RPS6KA5: variants seen among roughly 807,000 people sequenced by gnomAD.
RPS6KA5 encodes the protein ribosomal protein S6 kinase alpha-5.
RPS6KA5 carries 27 observed loss-of-function variants against 85.5 expected under a neutral mutation model. The ratio of observed to expected loss-of-function variants is 0.32; its 90% CI spans 0.23 to 0.44. The LOEUF (loss-of-function observed/expected upper bound fraction) is 0.44, where lower values mean the gene tolerates loss of function less well. Among genes scored for constraint, RPS6KA5 ranks in the 20% least tolerant of loss-of-function variants. The pLI is 1.00. For missense variants in RPS6KA5, 811 were observed against 980.9 expected, an observed-to-expected ratio of 0.83 and a Z score of 2.31; for synonymous variants, 334 against 348.2, an observed-to-expected ratio of 0.96 and a Z score of 0.46.
chr14:90,930,766 A>T (rs909697698), intron 5 of RPS6KA5, among the ~76,000 whole-genome samples: 1 of 152,228 alleles, frequency 6.6e-6, no homozygotes, highest in Admixed American at 6.5e-5. Flanking sequence ...CAAATGGTTA[A>T]CAGCATATGA....
At chr14:90,966,643 G>A (rs190261956) in intron 3 of RPS6KA5, among the ~76,000 whole-genome samples, 11 of 152,222 alleles carry the variant, frequency 7.2e-5, no homozygotes, top group Admixed American at 6.5e-5. Flanking sequence ...AGTCAAGTTG[G>A]GATCTGGCAC....
chr14:90,986,622 GTCCCC>G (rs2140511329), intron 2 of RPS6KA5, among the ~76,000 whole-genome samples: 1 of 152,206 alleles, frequency 6.6e-6, no homozygotes. Context: ...GTTCTGCCAG[GTCCCC>G]TTTACAGGCC....
intron 1 of RPS6KA5, among the ~76,000 whole-genome samples, chr14:91,040,622 G>A (rs1206372998): frequency 1.3e-5 from 2 of 152,088 alleles, no homozygotes; most frequent in Non-Finnish European, 2.9e-5. Flanking sequence ...TTCAAGCAAT[G>A]ATAACATTTG....
At chr14:90,970,256 C>A (rs2039257797) in intron 3 of RPS6KA5, among the ~76,000 whole-genome samples, 1 of 152,100 alleles carries the variant, frequency 6.6e-6, no homozygotes, top group Non-Finnish European at 1.5e-5. Flanking sequence ...TACTTCAAAG[C>A]AAGGAAGTGT....
intron 1 of RPS6KA5, among the ~76,000 whole-genome samples, chr14:91,050,880 T>C (rs761614286): frequency 6.6e-6 from 1 of 152,232 alleles, no homozygotes; most frequent in Non-Finnish European, 1.5e-5. Flanking sequence ...AGGGAACTGT[T>C]GTTTTTCAAC....
intron 3 of RPS6KA5, among the ~76,000 whole-genome samples, chr14:90,967,931 A>G (rs1174476753): frequency 6.6e-6 from 1 of 152,208 alleles, no homozygotes; most frequent in Non-Finnish European, 1.5e-5. Context: ...ACTTCTTTAA[A>G]GCGTGGTCTA....
At position 90,865,994 on chromosome 14, in the gene RPS6KA5, G is replaced by C. The variant is rs138667467; in HGVS notation, c.*6080C>G. The stretch of plus-strand genomic sequence containing the variant: ...TTCATCACAAACATTTCCCAGCTCT[G>C]TCCCAATCAAGTTCTTATTTCTCTG... On this transcript the variant is annotated 3_prime_UTR_variant, in exon 17 of 17. Transcript: ENST00000614987. 9 of 152,190 alleles carry C rather than the reference G, an allele frequency of 5.9e-5. 1 individual carries two copies. The East Asian group carries it at 1.7e-3, about 29-fold the overall frequency. 9.4% of individuals were successfully genotyped at this position (152,190 alleles called of 1,614,324 possible). A position where few individuals can be genotyped will look rare whatever the true frequency, so the allele number is the denominator to read the frequency against.
chr14:90,989,092 A>G lies in RPS6KA5; in HGVS notation c.176-10568T>C, dbSNP rs188262427. ...AGTCCTAAATAATTTTGTTTTTTCA[A>G]TTTAGGTTACAGCTTTACAATGGAG... On this transcript the variant is annotated intron_variant, in intron 2 of 16. Transcript: ENST00000614987. Among the ~76,000 whole-genome samples the G allele has an allele frequency of 2.7e-3, 409 of 152,294 alleles. 1 individual carries two copies. Among genetic ancestry groups the G allele is most frequent in the Non-Finnish European group, 3.9e-3 (263 of 68,016 alleles).
At chr14:90,912,904 C>CTTTTTTTTTTTTT (rs57029403) in intron 7 of RPS6KA5, among the ~76,000 whole-genome samples, 3 of 53,296 alleles carry the variant, frequency 5.6e-5, no homozygotes, top group African/African-American at 1.6e-4. Flanking sequence ...CATAAAGCAT[C>CTTTTTTTTTTTTT]TTTTTTTTTT....
chr14:90,881,659 C>T (rs1054981028), intron 14 of RPS6KA5, among the ~76,000 whole-genome samples: 1 of 151,996 alleles, frequency 6.6e-6, no homozygotes, highest in African/African-American at 2.4e-5. Flanking sequence ...CACCACCACG[C>T]CTGGATAACT....
At chr14:90,960,357 G>A (rs920209925) in intron 3 of RPS6KA5, among the ~76,000 whole-genome samples, 6 of 152,160 alleles carry the variant, frequency 3.9e-5, no homozygotes, top group South Asian at 4.1e-4. Flanking sequence ...AGACTATCAG[G>A]GATATCGTTA....
At chr14:90,982,226 C>T (rs2039821278) in intron 2 of RPS6KA5, among the ~76,000 whole-genome samples, 1 of 151,598 alleles carries the variant, frequency 6.6e-6, no homozygotes, top group Non-Finnish European at 1.5e-5. Context: ...TTAGAGTAAT[C>T]TTATTTTTAA....
intron 15 of RPS6KA5, among the ~76,000 whole-genome samples, chr14:90,874,777 C>T (rs17261092): frequency 0.12 from 18,629 of 152,062 alleles, 1,615 homozygotes; most frequent in East Asian, 0.24. Flanking sequence ...CTGCTAGGAG[C>T]GCTGCTGAAT....
At chr14:91,052,145 C>T (rs1468847719) in intron 1 of RPS6KA5, among the ~76,000 whole-genome samples, 1 of 150,828 alleles carries the variant, frequency 6.6e-6, no homozygotes, top group African/African-American at 2.4e-5. Flanking sequence ...CACTCCCTAC[C>T]TCTGTTAAAT....
At chr14:90,980,661 C>G (rs2039751315) in intron 2 of RPS6KA5, among the ~76,000 whole-genome samples, 1 of 152,322 alleles carries the variant, frequency 6.6e-6, no homozygotes, top group Non-Finnish European at 1.5e-5. Flanking sequence ...ATCACACTTG[C>G]CATTCAGTCT....
chr14:90,874,875 C>A (rs1009500769), intron 15 of RPS6KA5, among the ~76,000 whole-genome samples: 2 of 152,146 alleles, frequency 1.3e-5, no homozygotes, highest in Admixed American at 1.3e-4. Flanking sequence ...GATCTGGCTT[C>A]TTAGCAGTGC....
chr14:91,044,632 T>G (rs890244900), intron 1 of RPS6KA5, among the ~76,000 whole-genome samples: 9 of 151,918 alleles, frequency 5.9e-5, no homozygotes, highest in Admixed American at 2.6e-4. Context: ...CCAGCACTTT[T>G]GGAGGCCGAG....
chr14:90,927,942 T>C (rs112922157), intron 5 of RPS6KA5, among the ~76,000 whole-genome samples: 13 of 15,356 alleles, frequency 8.5e-4, no homozygotes, highest in South Asian at 1.3e-3. Flanking sequence ...CTTTTCTTTT[T>C]TTTTTTTTTT....
chr14:90,963,141 T>C (rs1384365176), intron 3 of RPS6KA5, among the ~76,000 whole-genome samples: 1 of 152,240 alleles, frequency 6.6e-6, no homozygotes, highest in East Asian at 1.9e-4. Context: ...CTTGGTATCT[T>C]TGAAGAGGAC....
Sources: allele counts gnomAD v4.1 joint callset (sites outside exome capture counted in the v4.1 genomes callset), GRCh38; gene constraint gnomAD v4.1.1; transcripts MANE v1.5; gene names NCBI Gene and HGNC (gene_info 2026-07-23, HGNC 2026-07-21).